ZFPM2: variants seen among roughly 807,000 people sequenced by gnomAD.
ZFPM2 encodes the protein zinc finger protein ZFPM2.
ZFPM2 carries 20 observed loss-of-function variants against 98.6 expected under a neutral mutation model. That is an observed-to-expected ratio of 0.20 (90% CI 0.14 to 0.29). ZFPM2 has a LOEUF of 0.29. Ranked by LOEUF, ZFPM2 falls within the 10% of genes least tolerant of loss-of-function variation. The pLI, the probability that ZFPM2 is intolerant of heterozygous loss-of-function variation, is 1.00. For synonymous variants in ZFPM2, 518 were observed against 502.7 expected, an observed-to-expected ratio of 1.03 and a Z score of -0.41; for missense variants, 1,310 against 1,388.6, an observed-to-expected ratio of 0.94 and a Z score of 0.90.
intron 4 of ZFPM2, among the ~76,000 whole-genome samples, chr8:105,627,620 G>A (rs760736724): frequency 3.9e-5 from 6 of 152,198 alleles, no homozygotes; most frequent in Non-Finnish European, 7.3e-5. Flanking sequence ...TGCTGAGGCT[G>A]TATGCAACCC....
chr8:105,700,954 C>T (rs1400643187), intron 5 of ZFPM2, among the ~76,000 whole-genome samples: 1 of 152,104 alleles, frequency 6.6e-6, no homozygotes, highest in East Asian at 1.9e-4. Context: ...TTGTTTTTGC[C>T]ATAACCTGCC....
chr8:105,613,123 A>G (rs560123512), intron 4 of ZFPM2, among the ~76,000 whole-genome samples: 1 of 152,328 alleles, frequency 6.6e-6, no homozygotes, highest in South Asian at 2.1e-4. Flanking sequence ...TGTAATAATA[A>G]TTAACAGCAG....
At chr8:105,381,575 C>T (rs1810890409) in intron 1 of ZFPM2, among the ~76,000 whole-genome samples, 1 of 152,024 alleles carries the variant, frequency 6.6e-6, no homozygotes, top group Non-Finnish European at 1.5e-5. Flanking sequence ...ACTGAGATTC[C>T]CCATAGTTCC....
chr8:105,802,712 G>T lies in ZFPM2; in HGVS notation c.2630G>T (p.Cys877Phe). 6.2e-7 allele frequency: 1 copy of T among 1,612,680 alleles called. No homozygotes were observed. The highest frequency in any genetic ancestry group is 1.1e-5 in the South Asian group (1 of 90,790). Residue 877 changes from cysteine to phenylalanine, a missense_variant, in exon 8 of 8, where the codon TGC (cysteine) becomes TTC (phenylalanine). Coordinates refer to ENST00000407775, the MANE Select transcript of ZFPM2 (RefSeq NM_012082.4). ...ENYLAHKQNF[C>F]PVTAHQRNDL... is the part of the protein sequence containing the mutation. ...TATCTGGCCCACAAGCAGAATTTCT[G>T]CCCGGTTACTGCACATCAGCGTAAT...
intron 3 of ZFPM2, among the ~76,000 whole-genome samples, chr8:105,534,621 A>T (rs1424899341): frequency 6.6e-6 from 1 of 152,150 alleles, no homozygotes; most frequent in Non-Finnish European, 1.5e-5. Flanking sequence ...AATTAAAGAG[A>T]AGGAGAAGAA....
chr8:105,410,426 T>C (rs1811552705), intron 1 of ZFPM2, among the ~76,000 whole-genome samples: 1 of 151,876 alleles, frequency 6.6e-6, no homozygotes, highest in Non-Finnish European at 1.5e-5. Context: ...CTGTTGTTGT[T>C]TTAATTTAAC....
At chr8:105,464,720 A>G (rs1812765634) in intron 3 of ZFPM2, among the ~76,000 whole-genome samples, 1 of 151,708 alleles carries the variant, frequency 6.6e-6, no homozygotes, top group Non-Finnish European at 1.5e-5. Context: ...TGCTGATTGA[A>G]CGCCCTCAAG....
chr8:105,754,410 C>T (rs146433962), intron 5 of ZFPM2, among the ~76,000 whole-genome samples: 8 of 152,208 alleles, frequency 5.3e-5, no homozygotes, highest in African/African-American at 1.7e-4. Context: ...CATTTATAAG[C>T]GTGTGCTTTA....
At chr8:105,764,287 G>GACACACACAC (rs59943408) in intron 5 of ZFPM2, among the ~76,000 whole-genome samples, 25 of 139,580 alleles carry the variant, frequency 1.8e-4, no homozygotes, top group South Asian at 7.4e-4. Flanking sequence ...CTCTCTCTCT[G>GACACACACAC]ACACACACAC....
At chr8:105,782,090 T>C (rs1478356778) in intron 5 of ZFPM2, among the ~76,000 whole-genome samples, 1 of 152,160 alleles carries the variant, frequency 6.6e-6, no homozygotes, top group Non-Finnish European at 1.5e-5. Context: ...GATCCCACAG[T>C]AAAATGAGAA....
At chr8:105,489,910 C>A (rs1362354161) in intron 3 of ZFPM2, among the ~76,000 whole-genome samples, 3 of 152,054 alleles carry the variant, frequency 2.0e-5, no homozygotes, top group Admixed American at 6.6e-5. Flanking sequence ...CAACTAATTA[C>A]CTCATATGAT....
chr8:105,730,978 G>A (rs868377875), intron 5 of ZFPM2, among the ~76,000 whole-genome samples: 8 of 151,352 alleles, frequency 5.3e-5, no homozygotes, highest in Admixed American at 1.3e-4. Flanking sequence ...TGCTATTACT[G>A]GATCAATACT....
intron 4 of ZFPM2, among the ~76,000 whole-genome samples, chr8:105,599,427 T>G (rs1339846540): frequency 6.7e-6 from 1 of 149,726 alleles, no homozygotes; most frequent in Non-Finnish European, 1.5e-5. Flanking sequence ...TGGTGTTCCC[T>G]AAGGGTTGTG....
chr8:105,755,633 A>T (rs1812580607), intron 5 of ZFPM2, among the ~76,000 whole-genome samples: 1 of 152,144 alleles, frequency 6.6e-6, no homozygotes, highest in Non-Finnish European at 1.5e-5. Context: ...TGTTGGTACA[A>T]CTATATACTC....
intron 1 of ZFPM2, among the ~76,000 whole-genome samples, chr8:105,344,962 T>C (rs983778373): frequency 1.3e-5 from 2 of 152,130 alleles, no homozygotes; most frequent in African/African-American, 4.8e-5. Flanking sequence ...AGACCAACAG[T>C]GACACTGAGC....
At chr8:105,752,662 G>C (rs1307880970) in intron 5 of ZFPM2, among the ~76,000 whole-genome samples, 1 of 151,942 alleles carries the variant, frequency 6.6e-6, no homozygotes, top group East Asian at 1.9e-4. Context: ...CACCTTATTT[G>C]AAATGAACTT....
chr8:105,374,342 C>T (rs1210598855), intron 1 of ZFPM2, among the ~76,000 whole-genome samples: 1 of 152,006 alleles, frequency 6.6e-6, no homozygotes, highest in Non-Finnish European at 1.5e-5. Flanking sequence ...GAGATACTTA[C>T]CAATAGTTTT....
intron 1 of ZFPM2, among the ~76,000 whole-genome samples, chr8:105,345,658 G>C (rs1172913577): frequency 6.6e-6 from 1 of 151,976 alleles, no homozygotes; most frequent in Non-Finnish European, 1.5e-5. Context: ...TGTTCAGCTT[G>C]TTCAGACACA....
In ZFPM2 at chr8:105,801,157, A is replaced by G; in HGVS notation, c.1075A>G (p.Thr359Ala). 1 of 1,613,694 alleles carries G rather than the reference A, an allele frequency of 6.2e-7. No individual in the cohort carries two copies. The highest frequency in any genetic ancestry group is 8.5e-7 in the Non-Finnish European group (1 of 1,179,830). ...NFHQHLFSHL[T>A]QAAFRCNHCH... The stretch of plus-strand genomic sequence containing the variant: ...TCACCAACACCTGTTCTCCCATCTC[A>G]CTCAAGCTGCCTTCCGATGTAATCA... The change falls in exon 8 of 8, where the codon ACT becomes GCT. Residue 359 changes from threonine to alanine, a missense_variant. Coordinates refer to ENST00000407775, the MANE Select transcript of ZFPM2 (RefSeq NM_012082.4).
Sources: gnomAD v4.1 joint callset for allele counts (sites outside exome capture counted in the v4.1 genomes callset) on GRCh38, gnomAD v4.1.1 for gene constraint, MANE v1.5 for transcripts, NCBI Gene and HGNC (gene_info 2026-07-23, HGNC 2026-07-21) for gene names.